The following VWC2L variants were observed in gnomAD, a reference collection of about 807,000 sequenced individuals.
VWC2L encodes von Willebrand factor C domain-containing protein 2-like.
In VWC2L, 10 loss-of-function variants were observed where a neutral mutation model predicts 21.6. The observed-to-expected ratio is 0.46, with a 90% CI of 0.29 to 0.78. The LOEUF (loss-of-function observed/expected upper bound fraction) is 0.78. VWC2L is among the 30% of genes least tolerant of loss of function. The probability of loss-of-function intolerance (pLI) is 0.10; values close to 1 mark genes in which losing one functional copy is unlikely to be tolerated. For missense variants in VWC2L, 209 were observed against 277.1 expected (o/e 0.75, Z 1.74); for synonymous variants, 96 against 94.3 (o/e 1.02, Z -0.10).
rs1367848909 is a variant in VWC2L at position 214,576,569 on chromosome 2, A to G, written c.*749A>G. ...CGTAAAGAACACCATAAGCTCAACT[A>G]AAGAATCCAAAGAGAGACAGATCTT... On this transcript the variant is annotated 3_prime_UTR_variant, in exon 4 of 4. Transcript: ENST00000312504. 2.0e-5 allele frequency: 3 copies of G among 152,202 alleles called. No homozygotes were observed. The highest frequency in any genetic ancestry group is 4.4e-5 in the Non-Finnish European group (3 of 68,034). 9.4% of individuals were successfully genotyped at this position (152,202 alleles called of 1,614,324 possible).
chr2:214,443,039 T>A (rs765202001), intron 3 of VWC2L, among the ~76,000 whole-genome samples: 2 of 152,088 alleles, frequency 1.3e-5, no homozygotes, highest in African/African-American at 2.4e-5. Context: ...ATGAAGAGTC[T>A]AATATCATCT....
chr2:214,460,066 C>G (rs1439514687), intron 3 of VWC2L, among the ~76,000 whole-genome samples: 1 of 152,032 alleles, frequency 6.6e-6, no homozygotes, highest in Non-Finnish European at 1.5e-5. Context: ...TGCCACCATG[C>G]CCAGCTAATT....
chr2:214,512,252 C>T (rs919659478), intron 3 of VWC2L, among the ~76,000 whole-genome samples: 7 of 152,164 alleles, frequency 4.6e-5, no homozygotes, highest in Non-Finnish European at 1.0e-4. Context: ...ACTGTACCTT[C>T]AGGATACCTA....
chr2:214,542,060 C>G (rs1202819550), intron 3 of VWC2L, among the ~76,000 whole-genome samples: 1 of 152,072 alleles, frequency 6.6e-6, no homozygotes, highest in Non-Finnish European at 1.5e-5. Flanking sequence ...CATTGGCTCC[C>G]TGAGTGAATA....
In VWC2L at chr2:214,491,055, T is replaced by C. The variant is rs186368199; in HGVS notation, c.520+54297T>C. Among the ~76,000 whole-genome samples, 119 of 152,218 alleles carry C rather than the reference T, an allele frequency of 7.8e-4. 1 individual carries two copies. The highest frequency in any genetic ancestry group is 2.5e-3 in the African/African-American group (103 of 41,542). Reference sequence around the variant, plus strand: ...GGGGGGAGTGGCTACTCAATGGGTATAGATTTCTTTAGGGAGTGATTTAAG... The same window carrying C: ...GGGGGGAGTGGCTACTCAATGGGTACAGATTTCTTTAGGGAGTGATTTAAG... On this transcript the variant is annotated intron_variant, in intron 3 of 3. Coordinates refer to ENST00000312504, the MANE Select transcript of VWC2L (RefSeq NM_001080500.4).
intron 3 of VWC2L, among the ~76,000 whole-genome samples, chr2:214,438,239 G>C (rs896072347): frequency 6.6e-6 from 1 of 152,016 alleles, no homozygotes; most frequent in African/African-American, 2.4e-5. Context: ...GCTCAGGTGA[G>C]ACCAAACTGT....
chr2:214,461,154 G>A (rs1294730510), intron 3 of VWC2L, among the ~76,000 whole-genome samples: 1 of 152,198 alleles, frequency 6.6e-6, no homozygotes, highest in East Asian at 1.9e-4. Flanking sequence ...TGGCAGCAGT[G>A]GGACAAATGT....
At chr2:214,573,665 A>T (rs1018650724) in intron 3 of VWC2L, among the ~76,000 whole-genome samples, 1 of 152,196 alleles carries the variant, frequency 6.6e-6, no homozygotes, top group African/African-American at 2.4e-5. Flanking sequence ...AAGTTCTCTG[A>T]AGACTCCCTC....
chr2:214,414,038 T>G (rs1195188663), intron 1 of VWC2L, 76 bp from the exon 2 acceptor site: 4 of 819,064 alleles, frequency 4.9e-6, no homozygotes, highest in Non-Finnish European at 7.3e-6. Context: ...CCCAAACAGT[T>G]TAAGAGCGTG....
intron 3 of VWC2L, among the ~76,000 whole-genome samples, chr2:214,441,672 A>C (rs1702764932): frequency 6.6e-6 from 1 of 152,026 alleles, no homozygotes; most frequent in South Asian, 2.1e-4. Flanking sequence ...TTTGAGAGTG[A>C]AAAGTTGGGA....
At chr2:214,417,652 A>G (rs1702376742) in intron 2 of VWC2L, among the ~76,000 whole-genome samples, 1 of 152,182 alleles carries the variant, frequency 6.6e-6, no homozygotes, top group African/African-American at 2.4e-5. Context: ...CTAAAATGCT[A>G]TCCTAGTAAG....
intron 3 of VWC2L, among the ~76,000 whole-genome samples, chr2:214,468,381 T>C (rs1238046038): frequency 6.6e-6 from 1 of 152,216 alleles, no homozygotes; most frequent in African/African-American, 2.4e-5. Context: ...TGTGAAATGC[T>C]GTTCCAAATA....
In VWC2L at chr2:214,435,202, A is replaced by T. The variant is rs140925047; in HGVS notation, c.391-1427A>T. ...TACTGTACGTTCTAATCTTTTTCTT[A>T]ATTTGCTGAGATTATTTAGCAGAAA... On this transcript the variant is annotated intron_variant, in intron 2 of 3. Transcript: ENST00000312504. Among the ~76,000 whole-genome samples, 831 of 152,216 alleles carry T rather than the reference A, an allele frequency of 5.5e-3. 3 individuals carry two copies. Among genetic ancestry groups the T allele is most frequent in the Non-Finnish European group, 9.8e-3 (667 of 67,992 alleles).
chr2:214,502,401 C>T (rs1186526544), intron 3 of VWC2L, among the ~76,000 whole-genome samples: 1 of 152,120 alleles, frequency 6.6e-6, no homozygotes, highest in East Asian at 1.9e-4. Flanking sequence ...GAAACCCCCC[C>T]TCTACTAAAA....
intron 3 of VWC2L, among the ~76,000 whole-genome samples, chr2:214,496,175 T>C (rs1688808489): frequency 7.4e-6 from 1 of 134,932 alleles, no homozygotes; most frequent in East Asian, 2.2e-4. Context: ...TGTAGGCAAC[T>C]GTAACACAAT....
chr2:214,549,562 C>G (rs984532757), intron 3 of VWC2L, among the ~76,000 whole-genome samples: 6 of 152,190 alleles, frequency 3.9e-5, no homozygotes, highest in Non-Finnish European at 8.8e-5. Flanking sequence ...ATCACAAGGT[C>G]GGCAGTTCTA....
intron 2 of VWC2L, among the ~76,000 whole-genome samples, chr2:214,417,437 T>A (rs753404962): frequency 3.3e-5 from 5 of 152,172 alleles, no homozygotes; most frequent in Non-Finnish European, 5.9e-5. Flanking sequence ...ATCAAAATAG[T>A]ATGAGGCTTG....
At position 214,469,573 on chromosome 2, in the gene VWC2L, C is replaced by T. The variant is rs532662380; in HGVS notation, c.520+32815C>T. Among the ~76,000 whole-genome samples, 11 of 150,438 alleles carry T rather than the reference C, an allele frequency of 7.3e-5. No homozygotes were observed. In the East Asian group the frequency reaches 1.2e-3, roughly 16 times the overall value. On this transcript the variant is annotated intron_variant, in intron 3 of 3. Coordinates refer to ENST00000312504, the MANE Select transcript of VWC2L (RefSeq NM_001080500.4). ...TTGTGCCACTGCACTCCAGCCTGGG[C>T]GACAGAGGGAGACTCTGTCTCCAAA...
At chr2:214,509,826 T>C (rs1479826110) in intron 3 of VWC2L, among the ~76,000 whole-genome samples, 2 of 152,236 alleles carry the variant, frequency 1.3e-5, no homozygotes, top group Non-Finnish European at 2.9e-5. Context: ...CTTCCTATTC[T>C]TTTCATGATT....
Sources: gnomAD v4.1 joint callset for allele counts (sites outside exome capture counted in the v4.1 genomes callset) on GRCh38, gnomAD v4.1.1 for gene constraint, MANE v1.5 for transcripts, NCBI Gene and HGNC (gene_info 2026-07-23, HGNC 2026-07-21) for gene names.